Variants in SNTB1 observed in about 807,000 individuals in gnomAD.
The protein encoded by SNTB1 is beta-1-syntrophin.
Under a neutral mutation model 48.9 loss-of-function variants are expected in SNTB1, and 36 were observed. That is an observed-to-expected ratio of 0.74 (90% CI 0.56 to 0.97). SNTB1 has a LOEUF of 0.97. Among genes scored for constraint, SNTB1 ranks in the 50% least tolerant of loss-of-function variants. The probability of loss-of-function intolerance (pLI) is 0.00; values close to 1 mark genes in which losing one functional copy is unlikely to be tolerated. For synonymous variants in SNTB1, 299 were observed against 294.6 expected, an observed-to-expected ratio of 1.01 and a Z score of -0.15; for missense variants, 786 against 703.4, an observed-to-expected ratio of 1.12 and a Z score of -1.33.
chr8:120,811,142 CA>C, intron 1 of SNTB1, 130 bp downstream of exon 1: 3 of 1,205,636 alleles, frequency 2.5e-6, no homozygotes, highest in Admixed American at 3.2e-5. Context: ...CCCCCCCCCC[CA>C]ACACACACAC....
chr8:120,603,891 C>G (rs1309398820), intron 3 of SNTB1, among the ~76,000 whole-genome samples: 1 of 152,138 alleles, frequency 6.6e-6, no homozygotes, highest in Non-Finnish European at 1.5e-5. Context: ...TTCCATCTCC[C>G]CAGAGGTACA....
At chr8:120,674,428 C>T (rs888594349) in intron 2 of SNTB1, among the ~76,000 whole-genome samples, 2 of 152,170 alleles carry the variant, frequency 1.3e-5, no homozygotes, top group African/African-American at 4.8e-5. Flanking sequence ...GTGAGGAAGA[C>T]AGATGTTACT....
chr8:120,642,716 C>T (rs966196370), intron 2 of SNTB1, among the ~76,000 whole-genome samples: 25 of 152,130 alleles, frequency 1.6e-4, no homozygotes, highest in African/African-American at 6.0e-4. Context: ...AGTTTGAGAC[C>T]AGCCTGGGCA....
chr8:120,545,647 C>T (rs1003658096), intron 5 of SNTB1, among the ~76,000 whole-genome samples: 4 of 152,214 alleles, frequency 2.6e-5, no homozygotes, highest in Non-Finnish European at 4.4e-5. Flanking sequence ...TAAAGCAGAG[C>T]CGTACAACAG....
At chr8:120,579,093 C>T (rs1815999417) in intron 3 of SNTB1, among the ~76,000 whole-genome samples, 1 of 152,160 alleles carries the variant, frequency 6.6e-6, no homozygotes, top group Non-Finnish European at 1.5e-5. Context: ...AGGAGAATCA[C>T]TTGAACCCGG....
At chr8:120,783,273 C>T (rs1432664516) in intron 1 of SNTB1, among the ~76,000 whole-genome samples, 2 of 152,158 alleles carry the variant, frequency 1.3e-5, no homozygotes, top group Non-Finnish European at 2.9e-5. Context: ...TTTACTGAAT[C>T]ATTCAACAAT....
At chr8:120,675,341 AT>A (rs1817818244) in intron 2 of SNTB1, among the ~76,000 whole-genome samples, 1 of 152,238 alleles carries the variant, frequency 6.6e-6, no homozygotes, top group African/African-American at 2.4e-5. Flanking sequence ...CTCTTAGTAC[AT>A]TTACATGATG....
At chr8:120,595,134 C>T (rs1205978621) in intron 3 of SNTB1, among the ~76,000 whole-genome samples, 4 of 151,994 alleles carry the variant, frequency 2.6e-5, no homozygotes, top group African/African-American at 4.8e-5. Flanking sequence ...TTTGTCTCTG[C>T]GGTGGACTTG....
At chr8:120,599,316 T>C (rs1587018942) in intron 3 of SNTB1, among the ~76,000 whole-genome samples, 1 of 152,250 alleles carries the variant, frequency 6.6e-6, no homozygotes, top group African/African-American at 2.4e-5. Context: ...GTGAGCTGTA[T>C]AATTGTGTGA....
intron 1 of SNTB1, among the ~76,000 whole-genome samples, chr8:120,703,195 G>C (rs1818332731): frequency 6.6e-6 from 1 of 152,150 alleles, no homozygotes; most frequent in Non-Finnish European, 1.5e-5. Context: ...CATGATCTTG[G>C]CTCACTGCAA....
chr8:120,617,501 A>C (rs1323753240), intron 3 of SNTB1, among the ~76,000 whole-genome samples: 1 of 152,206 alleles, frequency 6.6e-6, no homozygotes, highest in Non-Finnish European at 1.5e-5. Flanking sequence ...TACTGGGTGA[A>C]GACTGAATTG....
At chr8:120,737,459 G>C (rs372515404) in intron 1 of SNTB1, among the ~76,000 whole-genome samples, 4 of 152,290 alleles carry the variant, frequency 2.6e-5, no homozygotes, top group African/African-American at 9.6e-5. Context: ...AAAGTCATTT[G>C]TCATTTCTAA....
At chr8:120,588,659 T>C (rs1228530074) in intron 3 of SNTB1, among the ~76,000 whole-genome samples, 1 of 152,206 alleles carries the variant, frequency 6.6e-6, no homozygotes, top group Non-Finnish European at 1.5e-5. Context: ...AAGAAGTTAC[T>C]TATCTTCTCC....
intron 3 of SNTB1, among the ~76,000 whole-genome samples, chr8:120,629,591 A>G (rs978832473): frequency 2.6e-5 from 4 of 152,218 alleles, no homozygotes; most frequent in African/African-American, 9.6e-5. Flanking sequence ...AGGATTTGCC[A>G]TTCATTATAA....
intron 3 of SNTB1, among the ~76,000 whole-genome samples, chr8:120,613,032 T>C (rs985850116): frequency 6.6e-6 from 1 of 152,204 alleles, no homozygotes; most frequent in Admixed American, 6.5e-5. Flanking sequence ...TATTGCATTT[T>C]CTCACTCTTA....
Position 120,693,912 on chromosome 8 carries a change from C to A in SNTB1, c.572-4G>T. The A allele has an allele frequency of 6.2e-7, 1 of 1,610,188 alleles. No individual in the cohort carries two copies. The highest frequency in any genetic ancestry group is 1.1e-5 in the South Asian group (1 of 90,684). On this transcript the variant is annotated splice_region_variant and splice_polypyrimidine_tract_variant and intron_variant, in intron 1 of 6. Transcript: ENST00000517992. ...GTGGCTTCTCGCATGTACTTCACTG[C>A]AAGGAAAAAGACAACAAGTGCTTTT...
In SNTB1 at chr8:120,693,762, C is replaced by T; in HGVS notation, c.718G>A (p.Asp240Asn). The T allele has an allele frequency of 6.2e-7, 1 of 1,613,792 alleles. No homozygotes were observed. Among genetic ancestry groups the T allele is most frequent in the South Asian group, 1.1e-5 (1 of 91,004 alleles). The change falls in exon 2 of 7, where the codon GAC becomes AAC. Residue 240 changes from aspartate (D) to asparagine (N), a missense_variant. Asp to Asn is a conservative substitution (Grantham distance 23). Coordinates refer to ENST00000517992, the MANE Select transcript of SNTB1 (RefSeq NM_021021.4). ...ATTTTGAGGGGGATGCTTTTCCGGTCTCTGTGGAAGGAGAAGGACTGCGAT... is the reference window on the plus strand; with the variant it reads ...ATTTTGAGGGGGATGCTTTTCCGGTTTCTGTGGAAGGAGAAGGACTGCGAT... ...PSSQSFSFHR[D>N]RKSIPLKMCY... is the part of the protein sequence containing the mutation.
At chr8:120,585,062 G>C (rs1196477787) in intron 3 of SNTB1, among the ~76,000 whole-genome samples, 1 of 152,194 alleles carries the variant, frequency 6.6e-6, no homozygotes, top group African/African-American at 2.4e-5. Flanking sequence ...CATTTCTGTA[G>C]TGTAAGCCAC....
In SNTB1 at chr8:120,617,947, G is replaced by A. The variant is rs150622405; in HGVS notation, c.996+14497C>T. 5.5e-4 allele frequency among the ~76,000 whole-genome samples: 83 copies of A among 152,078 alleles called. 1 individual carries two copies. The highest frequency in any genetic ancestry group is 9.7e-4 in the Non-Finnish European group (66 of 67,988). The stretch of plus-strand genomic sequence containing the variant: ...ACGAGTGAAGGTACAACTGCCTAAG[G>A]GTGTTGCTAAGAAAGGCAGTATCAC... On this transcript the variant is annotated intron_variant, in intron 3 of 6. Coordinates refer to ENST00000517992, the MANE Select transcript of SNTB1 (RefSeq NM_021021.4).
Sources: gnomAD v4.1 joint callset for allele counts (sites outside exome capture counted in the v4.1 genomes callset) on GRCh38, gnomAD v4.1.1 for gene constraint, MANE v1.5 for transcripts, NCBI Gene and HGNC (gene_info 2026-07-23, HGNC 2026-07-21) for gene names.